COL19A1: variants seen among roughly 807,000 people sequenced by gnomAD.
The protein encoded by COL19A1 is collagen alpha-1(XIX) chain.
Under a neutral mutation model 190.2 loss-of-function variants are expected in COL19A1, and 159 were observed. The ratio of observed to expected loss-of-function variants is 0.84; its 90% CI spans 0.73 to 0.95. COL19A1 has a LOEUF of 0.95. COL19A1 is among the 40% of genes least tolerant of loss of function. COL19A1 has a pLI of 0.00. For missense variants in COL19A1, 1,418 were observed against 1,431.9 expected (o/e 0.99, Z 0.16); for synonymous variants, 509 against 458.9 (o/e 1.11, Z -1.39).
intron 9 of COL19A1, among the ~76,000 whole-genome samples, chr6:69,943,851 C>T (rs1773622340): frequency 6.6e-6 from 1 of 152,116 alleles, no homozygotes; most frequent in South Asian, 2.1e-4. Context: ...TATTTATACA[C>T]ATACATTATG....
intron 2 of COL19A1, among the ~76,000 whole-genome samples, chr6:69,888,735 G>A (rs1402488264): frequency 7.4e-5 from 11 of 147,996 alleles, no homozygotes; most frequent in Admixed American, 2.0e-4. Context: ...CTGAGATAGC[G>A]CCACTGCACT....
At position 70,180,452 on chromosome 6, in the gene COL19A1, T is replaced by C. The variant is rs1389826248; in HGVS notation, c.2713-9T>C. 4 of 1,614,026 alleles carry C rather than the reference T, an allele frequency of 2.5e-6. No homozygotes were observed. Among genetic ancestry groups the C allele is most frequent in the Non-Finnish European group, 3.4e-6 (4 of 1,180,018 alleles). ...GGCAATTAATTTGTGTCTGTGGATGTGTTTATAGGGTGAGAGAGGACCTGT... is the reference window on the plus strand; with the variant it reads ...GGCAATTAATTTGTGTCTGTGGATGCGTTTATAGGGTGAGAGAGGACCTGT... On this transcript the variant is annotated splice_polypyrimidine_tract_variant and intron_variant, in intron 43 of 50. Transcript: ENST00000620364.
At chr6:70,109,592 C>T (rs944207743) in intron 16 of COL19A1, among the ~76,000 whole-genome samples, 4 of 147,188 alleles carry the variant, frequency 2.7e-5, no homozygotes, top group African/African-American at 5.0e-5. Context: ...GTATCTGCAG[C>T]GGTTTGATTT....
At chr6:69,915,442 T>C (rs531742909) in intron 4 of COL19A1, among the ~76,000 whole-genome samples, 1 of 152,358 alleles carries the variant, frequency 6.6e-6, no homozygotes, top group South Asian at 2.1e-4. Context: ...AAGTTTATCC[T>C]CTTAAGGCAG....
chr6:70,104,872 T>C (rs1253997370), intron 16 of COL19A1, among the ~76,000 whole-genome samples: 2 of 152,164 alleles, frequency 1.3e-5, no homozygotes, highest in Admixed American at 6.6e-5. Flanking sequence ...AGAAGAGGAT[T>C]ACACCGAATT....
intron 14 of COL19A1, among the ~76,000 whole-genome samples, chr6:70,050,901 C>A (rs984792907): frequency 3.0e-4 from 45 of 152,044 alleles, no homozygotes; most frequent in Admixed American, 3.0e-3. Context: ...TAATCCATTA[C>A]TAAAGTCATA....
At chr6:70,120,431 T>C (rs575822262) in intron 16 of COL19A1, among the ~76,000 whole-genome samples, 1 of 152,338 alleles carries the variant, frequency 6.6e-6, no homozygotes, top group South Asian at 2.1e-4. Flanking sequence ...GTCTCCTGAC[T>C]TTCAAGAATA....
intron 11 of COL19A1, among the ~76,000 whole-genome samples, chr6:69,986,768 A>C (rs1246712891): frequency 1.3e-5 from 2 of 152,210 alleles, no homozygotes; most frequent in African/African-American, 4.8e-5. Context: ...TTAGAAAGCC[A>C]CTGAGCTTTC....
intron 18 of COL19A1, among the ~76,000 whole-genome samples, chr6:70,136,950 G>T (rs1179461265): frequency 6.6e-6 from 1 of 152,062 alleles, no homozygotes; most frequent in Non-Finnish European, 1.5e-5. Context: ...AATTGTGTAG[G>T]TATTCAGAGA....
chr6:70,084,913 G>A (rs1404441708), intron 15 of COL19A1, among the ~76,000 whole-genome samples: 1 of 152,102 alleles, frequency 6.6e-6, no homozygotes, highest in Non-Finnish European at 1.5e-5. Context: ...GCAAACTCCT[G>A]GGTGAGCCCT....
chr6:69,902,366 C>A (rs1271998947), intron 4 of COL19A1, among the ~76,000 whole-genome samples: 2 of 152,060 alleles, frequency 1.3e-5, no homozygotes, highest in Non-Finnish European at 2.9e-5. Flanking sequence ...CTGGCATATC[C>A]CAGGTGAGGT....
chr6:70,146,881 G>A lies in COL19A1; in HGVS notation c.1885G>A (p.Gly629Ser). 1 of 1,575,074 alleles carries A rather than the reference G, an allele frequency of 6.3e-7. No homozygotes were observed. Among genetic ancestry groups the A allele is most frequent in the Non-Finnish European group, 8.6e-7 (1 of 1,165,612 alleles). The part of the protein sequence containing the change: ...DIGPQGIGIP[G>S]RTGAQGPAGE... The stretch of plus-strand genomic sequence containing the variant: ...AGGCCCACAAGGGATAGGAATTCCT[G>A]GCAGAACAGTAAGTGAAATTCATTC... The change falls in exon 27 of 51, where the codon GGC (glycine) becomes AGC (serine). Residue 629 changes from glycine (G) to serine (S), a missense_variant. Gly to Ser is a moderately conservative substitution (Grantham distance 56). Transcript: ENST00000620364.
At chr6:69,938,156 A>G in intron 9 of COL19A1, 56 bp downstream of exon 9, 4 of 1,508,144 alleles carry the variant, frequency 2.7e-6, no homozygotes, top group Non-Finnish European at 3.7e-6. Context: ...AAAATGACTT[A>G]AAAATGTGTT....
intron 11 of COL19A1, among the ~76,000 whole-genome samples, chr6:70,004,809 A>G (rs927772187): frequency 1.3e-5 from 2 of 151,784 alleles, no homozygotes; most frequent in African/African-American, 2.4e-5. Flanking sequence ...CATTGGGCTA[A>G]AACATGCTCC....
chr6:70,142,692 A>G, intron 22 of COL19A1, 75 bp from the exon 23 acceptor site: 1 of 1,347,350 alleles, frequency 7.4e-7, no homozygotes, highest in South Asian at 1.3e-5. Context: ...ACTATTCTTT[A>G]CAAATACTCA....
intron 16 of COL19A1, among the ~76,000 whole-genome samples, chr6:70,114,119 A>G (rs1038738307): frequency 3.3e-5 from 5 of 152,016 alleles, no homozygotes; most frequent in African/African-American, 1.2e-4. Flanking sequence ...CCAAAGTGCT[A>G]GCATTGTGGG....
At chr6:70,036,597 A>G (rs540439235) in intron 14 of COL19A1, among the ~76,000 whole-genome samples, 4 of 152,242 alleles carry the variant, frequency 2.6e-5, no homozygotes, top group African/African-American at 9.6e-5. Context: ...CTTTTTTCAT[A>G]GGTGATTAAA....
intron 19 of COL19A1, 84 bp downstream of exon 19, chr6:70,137,831 C>T (rs961685406): frequency 7.5e-6 from 10 of 1,336,838 alleles, no homozygotes; most frequent in African/African-American, 1.4e-5. Flanking sequence ...CCCAATTCCA[C>T]GTGCCTTGGT....
intron 34 of COL19A1, among the ~76,000 whole-genome samples, chr6:70,160,693 A>G (rs1787741711): frequency 6.6e-6 from 1 of 152,190 alleles, no homozygotes; most frequent in Admixed American, 6.6e-5. Context: ...ATATCATGTT[A>G]CCTGTGAAAT....
Sources: gnomAD v4.1 joint callset for allele counts (sites outside exome capture counted in the v4.1 genomes callset) on GRCh38, gnomAD v4.1.1 for gene constraint, MANE v1.5 for transcripts, NCBI Gene and HGNC (gene_info 2026-07-23, HGNC 2026-07-21) for gene names.